TRPC4: variants seen among roughly 807,000 people sequenced by gnomAD.
TRPC4 encodes the protein short transient receptor potential channel 4.
A neutral mutation model predicts 99.4 loss-of-function variants in TRPC4; 49 were observed. That is an observed-to-expected ratio of 0.49 (90% CI 0.39 to 0.63). The LOEUF is 0.63. Among genes scored for constraint, TRPC4 ranks in the 20% least tolerant of loss-of-function variants. TRPC4 has a pLI of 0.00. For synonymous variants in TRPC4, 454 were observed against 425.9 expected (o/e 1.07, Z -0.81); for missense variants, 898 against 1,152.9 (o/e 0.78, Z 3.20).
At chr13:37,744,047 T>C (rs1302417379) in intron 3 of TRPC4, among the ~76,000 whole-genome samples, 1 of 152,172 alleles carries the variant, frequency 6.6e-6, no homozygotes, top group Non-Finnish European at 1.5e-5. Flanking sequence ...TTTCATGAAT[T>C]GTACATCTTG....
At chr13:37,670,810 T>C (rs1398575158) in intron 5 of TRPC4, among the ~76,000 whole-genome samples, 1 of 152,174 alleles carries the variant, frequency 6.6e-6, no homozygotes, top group Non-Finnish European at 1.5e-5. Flanking sequence ...CCAAAATAGA[T>C]AGTGAACTCT....
intron 3 of TRPC4, among the ~76,000 whole-genome samples, chr13:37,745,457 T>TATACGCATATATATATATATATGC (rs1955720197): frequency 6.2e-4 from 5 of 8,046 alleles, no homozygotes; most frequent in Non-Finnish European, 2.4e-3. Flanking sequence ...TATATATATA[T>TATACGCATATATATATATATATGC]ATATATATAT....
chr13:37,679,188 T>C (rs1953154357), intron 4 of TRPC4, among the ~76,000 whole-genome samples: 1 of 152,152 alleles, frequency 6.6e-6, no homozygotes, highest in Non-Finnish European at 1.5e-5. Context: ...AATGAAACTA[T>C]TAAAAAAACT....
intron 3 of TRPC4, among the ~76,000 whole-genome samples, chr13:37,739,913 T>C (rs1955530668): frequency 6.6e-6 from 1 of 152,094 alleles, no homozygotes; most frequent in East Asian, 1.9e-4. Context: ...ATAGGAAAGG[T>C]ATATTTTAGA....
In TRPC4 at chr13:37,805,966, G is replaced by A. The variant is rs548579514; in HGVS notation, c.-27-22606C>T. Among the ~76,000 whole-genome samples the A allele has an allele frequency of 1.3e-3, 192 of 151,926 alleles. 1 individual carries two copies. The highest frequency in any genetic ancestry group is 4.4e-3 in the African/African-American group (181 of 41,460). On this transcript the variant is annotated intron_variant, in intron 1 of 10. Coordinates refer to ENST00000379705, the MANE Select transcript of TRPC4 (RefSeq NM_016179.4). ...GGTAATGTGTTTCTAAACAGAATTGGGAAGAATCAGAGATGTCATTAAAAT... is the reference window on the plus strand; with the variant it reads ...GGTAATGTGTTTCTAAACAGAATTGAGAAGAATCAGAGATGTCATTAAAAT...
chr13:37,789,365 G>A lies in TRPC4; in HGVS notation c.-27-6005C>T, dbSNP rs1202587756. 2.6e-5 allele frequency among the ~76,000 whole-genome samples: 4 copies of A among 152,160 alleles called. No homozygotes were observed. The East Asian group carries it at 7.7e-4, about 29-fold the overall frequency. ...ATCTTTCTGAAGCATCATAGCCCCT[G>A]ATGATGTTTCTTTTCTTCCTCTCAA... is the stretch of plus-strand genomic sequence containing the variant. On this transcript the variant is annotated intron_variant, in intron 1 of 10. Transcript: ENST00000379705.
chr13:37,719,704 A>C (rs188417553), intron 3 of TRPC4, among the ~76,000 whole-genome samples: 19 of 151,224 alleles, frequency 1.3e-4, no homozygotes, highest in Non-Finnish European at 4.4e-5. Flanking sequence ...AAGCTTCTAC[A>C]TATTGCATGA....
intron 2 of TRPC4, among the ~76,000 whole-genome samples, chr13:37,759,402 T>C (rs1057447043): frequency 2.0e-4 from 30 of 151,972 alleles, no homozygotes; most frequent in African/African-American, 6.0e-4. Flanking sequence ...ACATATTTTG[T>C]TATACAATTC....
chr13:37,868,504 A>G (rs1484278721), intron 1 of TRPC4, among the ~76,000 whole-genome samples: 1 of 152,180 alleles, frequency 6.6e-6, no homozygotes, highest in African/African-American at 2.4e-5. Flanking sequence ...CCCTCCAGTA[A>G]ACCTTTTGCT....
intron 3 of TRPC4, among the ~76,000 whole-genome samples, chr13:37,736,953 A>T (rs1213089367): frequency 6.9e-6 from 1 of 145,078 alleles, no homozygotes; most frequent in Non-Finnish European, 1.5e-5. Flanking sequence ...GGCTGGTCTC[A>T]AACTCCTGAA....
At chr13:37,716,352 T>C (rs1486351056) in intron 3 of TRPC4, among the ~76,000 whole-genome samples, 1 of 152,162 alleles carries the variant, frequency 6.6e-6, no homozygotes, top group Non-Finnish European at 1.5e-5. Context: ...GAATTTTGAA[T>C]CCTAAAATTA....
intron 7 of TRPC4, among the ~76,000 whole-genome samples, chr13:37,654,165 A>G (rs1353768168): frequency 6.6e-6 from 1 of 152,134 alleles, no homozygotes; most frequent in Non-Finnish European, 1.5e-5. Context: ...GGATGGTTGA[A>G]GTAAAATTCA....
At chr13:37,654,735 G>C (rs1952167599) in intron 7 of TRPC4, among the ~76,000 whole-genome samples, 1 of 152,096 alleles carries the variant, frequency 6.6e-6, no homozygotes, top group Non-Finnish European at 1.5e-5. Flanking sequence ...GCTTATATGA[G>C]AGTGGTAGGT....
Position 37,634,152 on chromosome 13 carries a change from G to A in TRPC4, c.*2751C>T, listed in dbSNP as rs923078543. ...TTATGTAAATGAAGGTAATTTCAAA[G>A]TTCTCTGTAGCATTTAGAAATTTCT... On this transcript the variant is annotated 3_prime_UTR_variant, in exon 11 of 11. Coordinates refer to ENST00000379705, the MANE Select transcript of TRPC4 (RefSeq NM_016179.4). 2.0e-5 allele frequency among the ~76,000 whole-genome samples: 3 copies of A among 152,174 alleles called. No homozygotes were observed. The East Asian group carries it at 5.8e-4, about 29-fold the overall frequency.
Position 37,674,227 on chromosome 13 carries a change from C to T in TRPC4, c.1374+1G>A, listed in dbSNP as rs1952965942. On this transcript the variant is annotated splice_donor_variant, in intron 5 of 10. Transcript: ENST00000379705. LOFTEE classifies it high-confidence loss of function. ...TTACCAACAACATAAATAATAGTTA[C>T]CTTTACAAATGCAACAATTTTCAAG... 1.3e-6 allele frequency: 2 copies of T among 1,582,714 alleles called. No individual in the cohort carries two copies. The highest frequency in any genetic ancestry group is 1.7e-6 in the Non-Finnish European group (2 of 1,166,778).
chr13:37,800,800 T>G (rs935238101), intron 1 of TRPC4, among the ~76,000 whole-genome samples: 2 of 151,872 alleles, frequency 1.3e-5, no homozygotes, highest in Non-Finnish European at 2.9e-5. Flanking sequence ...GAATACAATA[T>G]TGATGCTATA....
chr13:37,725,359 G>A (rs527673720), intron 3 of TRPC4, among the ~76,000 whole-genome samples: 1 of 151,876 alleles, frequency 6.6e-6, no homozygotes, highest in African/African-American at 2.4e-5. Flanking sequence ...TTGATGAAAA[G>A]CATGACTATA....
intron 2 of TRPC4, among the ~76,000 whole-genome samples, chr13:37,780,860 T>G (rs1157553035): frequency 1.3e-5 from 2 of 152,078 alleles, no homozygotes; most frequent in Non-Finnish European, 2.9e-5. Flanking sequence ...TCTCGGTGCC[T>G]TCACTGAAGA....
chr13:37,747,704 A>G (rs1955825455), intron 2 of TRPC4, among the ~76,000 whole-genome samples: 2 of 152,192 alleles, frequency 1.3e-5, no homozygotes, highest in South Asian at 2.1e-4. Flanking sequence ...CTGGCCATAT[A>G]GGATATCCAT....
Sources: allele counts gnomAD v4.1 joint callset (sites outside exome capture counted in the v4.1 genomes callset), GRCh38; gene constraint gnomAD v4.1.1; transcripts MANE v1.5; gene names NCBI Gene and HGNC (gene_info 2026-07-23, HGNC 2026-07-21).